Variants in PACRG observed in about 807,000 individuals in gnomAD.
The protein encoded by PACRG is parkin coregulated gene protein.
Under a neutral mutation model 29.7 loss-of-function variants are expected in PACRG, and 29 were observed. The observed-to-expected ratio is 0.98, with a 90% CI of 0.73 to 1.33. The LOEUF (loss-of-function observed/expected upper bound fraction) is 1.33, where lower values mean the gene tolerates loss of function less well. Ranked by LOEUF, PACRG falls within the 40% of genes most tolerant of loss-of-function variation. PACRG has a pLI of 0.00. For missense variants in PACRG, 279 were observed against 316.2 expected, an observed-to-expected ratio of 0.88 and a Z score of 0.89; for synonymous variants, 116 against 118.7, an observed-to-expected ratio of 0.98 and a Z score of 0.15.
chr6:162,782,911 A>G (rs1421791852), intron 1 of PACRG, among the ~76,000 whole-genome samples: 2 of 151,932 alleles, frequency 1.3e-5, no homozygotes, highest in Non-Finnish European at 2.9e-5. Flanking sequence ...TGAGAATAGG[A>G]TTATTATCTC....
rs368292343 is a variant in PACRG at position 162,818,192 on chromosome 6, T to C, written c.291+3911T>C. On this transcript the variant is annotated intron_variant, in intron 2 of 4. Coordinates refer to ENST00000366888, the MANE Select transcript of PACRG (RefSeq NM_001080379.2). ...TTTGGGAAATACGACTGTTGATTCT[T>C]TTGCTGTCTTCAATATCCACATTAT... Among the ~76,000 whole-genome samples the C allele has an allele frequency of 5.9e-5, 9 of 152,344 alleles. No individual in the cohort carries two copies. The East Asian group carries it at 1.2e-3, about 20-fold the overall frequency.
chr6:162,733,066 A>G (rs562438711), intron 1 of PACRG, among the ~76,000 whole-genome samples: 1 of 152,330 alleles, frequency 6.6e-6, no homozygotes, highest in South Asian at 2.1e-4. Context: ...TCATTCTATC[A>G]TCAGGTAACA....
chr6:163,254,816 C>A lies in PACRG; in HGVS notation c.614-60011C>A, dbSNP rs1783044342. On this transcript the variant is annotated intron_variant, in intron 4 of 4. Transcript: ENST00000366888. Reference sequence around the variant, plus strand: ...TTTGAAGGAAGGAAAACAGTTACAGCTGCACCACTGGGCTTGGCCTGCACT... The same window carrying A: ...TTTGAAGGAAGGAAAACAGTTACAGATGCACCACTGGGCTTGGCCTGCACT... 2.6e-5 allele frequency among the ~76,000 whole-genome samples: 4 copies of A among 152,242 alleles called. No individual in the cohort carries two copies. The South Asian group carries it at 8.3e-4, about 31-fold the overall frequency.
chr6:162,920,101 A>G (rs757760479), intron 2 of PACRG, among the ~76,000 whole-genome samples: 2 of 152,122 alleles, frequency 1.3e-5, no homozygotes, highest in Non-Finnish European at 2.9e-5. Context: ...ATCTTGGCGC[A>G]TAGAAGGTGT....
At chr6:163,290,689 A>T (rs779714036) in intron 4 of PACRG, among the ~76,000 whole-genome samples, 1 of 152,246 alleles carries the variant, frequency 6.6e-6, no homozygotes, top group Non-Finnish European at 1.5e-5. Flanking sequence ...ATTTAGGCAC[A>T]GTTCAGCTCC....
chr6:163,216,675 G>C (rs575645044), intron 4 of PACRG, among the ~76,000 whole-genome samples: 11 of 152,222 alleles, frequency 7.2e-5, no homozygotes, highest in Admixed American at 6.5e-4. Context: ...ACATGCGTGT[G>C]CATACATATG....
intron 3 of PACRG, among the ~76,000 whole-genome samples, chr6:163,077,438 G>A (rs1175528179): frequency 6.6e-6 from 1 of 152,138 alleles, no homozygotes; most frequent in Non-Finnish European, 1.5e-5. Flanking sequence ...GAAGAAACCT[G>A]AGCAAGAACA....
intron 1 of PACRG, among the ~76,000 whole-genome samples, chr6:162,750,291 AAAATTTG>A (rs1433401031): frequency 1.3e-4 from 20 of 152,230 alleles, no homozygotes; most frequent in East Asian, 3.9e-4. Context: ...GTGAGTTTTG[AAAATTTG>A]AATGATAGCA....
At chr6:163,160,649 G>A (rs1310707531) in intron 4 of PACRG, among the ~76,000 whole-genome samples, 1 of 152,164 alleles carries the variant, frequency 6.6e-6, no homozygotes, top group East Asian at 1.9e-4. Context: ...CATCATGATA[G>A]GAAAGTAAGG....
Position 162,833,713 on chromosome 6 carries a change from T to TA in PACRG, c.291+19439dup, listed in dbSNP as rs373551340. ...GCCCACTTTTTAATGGGACTGCAATTAAAAAAATATGTACTTAAAAAAACC... is the reference window on the plus strand; with the variant it reads ...GCCCACTTTTTAATGGGACTGCAATTAAAAAAAATATGTACTTAAAAAAACC... On this transcript the variant is annotated intron_variant, in intron 2 of 4. Transcript: ENST00000366888. 5.4e-3 allele frequency among the ~76,000 whole-genome samples: 817 copies of TA among 152,168 alleles called. 10 individuals are homozygous for TA. Among genetic ancestry groups the TA allele is most frequent in the African/African-American group, 0.019 (779 of 41,530 alleles).
chr6:162,900,123 G>T (rs897378941), intron 2 of PACRG, among the ~76,000 whole-genome samples: 17 of 151,938 alleles, frequency 1.1e-4, no homozygotes, highest in African/African-American at 3.6e-4. Flanking sequence ...GCATGGTCAG[G>T]CCGGAACATC....
At chr6:163,250,647 G>A (rs546252896) in intron 4 of PACRG, among the ~76,000 whole-genome samples, 114 of 152,096 alleles carry the variant, frequency 7.5e-4, no homozygotes, top group Non-Finnish European at 1.3e-3. Flanking sequence ...ATTTGATCCA[G>A]CAATCCCACT....
At chr6:162,987,847 A>G (rs1396200823) in intron 2 of PACRG, among the ~76,000 whole-genome samples, 1 of 152,190 alleles carries the variant, frequency 6.6e-6, no homozygotes, top group Non-Finnish European at 1.5e-5. Flanking sequence ...TGATTATGCT[A>G]GCAGTGAAGT....
chr6:162,819,598 G>T (rs1447833528), intron 2 of PACRG, among the ~76,000 whole-genome samples: 2 of 152,152 alleles, frequency 1.3e-5, no homozygotes, highest in Non-Finnish European at 2.9e-5. Flanking sequence ...CGAGATCTTT[G>T]TCTGTATTTC....
chr6:163,281,896 T>A (rs927956344), intron 4 of PACRG, among the ~76,000 whole-genome samples: 1 of 152,192 alleles, frequency 6.6e-6, no homozygotes, highest in South Asian at 2.1e-4. Context: ...TCCTTTCTTA[T>A]TAAAACAAAA....
intron 2 of PACRG, among the ~76,000 whole-genome samples, chr6:162,875,390 C>T (rs1192881413): frequency 6.6e-6 from 1 of 152,074 alleles, no homozygotes; most frequent in Non-Finnish European, 1.5e-5. Context: ...CATTCACACA[C>T]AGAAATTCAC....
At chr6:163,201,196 G>A (rs955521678) in intron 4 of PACRG, among the ~76,000 whole-genome samples, 8 of 152,156 alleles carry the variant, frequency 5.3e-5, no homozygotes, top group Non-Finnish European at 7.3e-5. Context: ...ATACTTAAGC[G>A]GAATTGGTGA....
At chr6:163,269,762 G>GAGAGAGAC (rs796202675) in intron 4 of PACRG, among the ~76,000 whole-genome samples, 12 of 51,310 alleles carry the variant, frequency 2.3e-4, no homozygotes, top group East Asian at 4.9e-4. Context: ...GAGAGAGAGA[G>GAGAGAGAC]AGACAGACAG....
At chr6:163,111,460 G>C (rs1815709567) in intron 4 of PACRG, among the ~76,000 whole-genome samples, 2 of 152,220 alleles carry the variant, frequency 1.3e-5, no homozygotes, top group Admixed American at 1.3e-4. Context: ...ACAGCTAGTT[G>C]AACTGCCTGG....
Sources: gnomAD v4.1 joint callset for allele counts (sites outside exome capture counted in the v4.1 genomes callset) on GRCh38, gnomAD v4.1.1 for gene constraint, MANE v1.5 for transcripts, NCBI Gene and HGNC (gene_info 2026-07-23, HGNC 2026-07-21) for gene names.